Variants in HTR1F observed in about 807,000 individuals in gnomAD.
The protein encoded by HTR1F is 5-hydroxytryptamine receptor 1F, also known as 5-hydroxytryptamine (serotonin) receptor 1F, G protein-coupled.
In HTR1F, 17 loss-of-function variants were observed where a neutral mutation model predicts 24.0. The observed-to-expected ratio is 0.71, with a 90% CI of 0.48 to 1.06. The LOEUF (loss-of-function observed/expected upper bound fraction) is 1.06. HTR1F is among the 50% of genes least tolerant of loss of function. HTR1F has a pLI of 0.00. For missense variants in HTR1F, 391 were observed against 427.8 expected (o/e 0.91, Z 0.76); for synonymous variants, 186 against 156.8 (o/e 1.19, Z -1.39).
chr3:87,990,884 C>G lies in HTR1F; in HGVS notation c.135C>G (p.Ile45Met), dbSNP rs111422517. 1 of 1,614,180 alleles carries G rather than the reference C, an allele frequency of 6.2e-7. No individual in the cohort carries two copies. The highest frequency in any genetic ancestry group is 2.2e-5 in the East Asian group (1 of 44,886). Reference sequence around the variant, plus strand: ...CAACAACTATCAACTCCCTTGTGATCGCTGCAATTATTGTGACCCGGAAGC... The same window carrying G: ...CAACAACTATCAACTCCCTTGTGATGGCTGCAATTATTGTGACCCGGAAGC... Reference protein sequence around the residue: ...LMTTTINSLVIAAIIVTRKLH... With the variant: ...LMTTTINSLVMAAIIVTRKLH... The change falls in exon 3 of 3, where the codon ATC becomes ATG. Residue 45 changes from isoleucine to methionine, a missense_variant. Coordinates refer to ENST00000319595, the MANE Select transcript of HTR1F (RefSeq NM_001322209.2).
intron 2 of HTR1F, among the ~76,000 whole-genome samples, chr3:87,848,221 G>C (rs1282582189): frequency 6.6e-6 from 1 of 151,886 alleles, no homozygotes; most frequent in African/African-American, 2.4e-5. Flanking sequence ...ACTGGGGTGA[G>C]ATGATAGCTC....
In HTR1F at chr3:87,864,140, C is replaced by T. The variant is rs146121065; in HGVS notation, c.-43+42016C>T. On this transcript the variant is annotated intron_variant, in intron 2 of 2. Transcript: ENST00000319595. ...ACTCATGTATTCCAGAAAAATCTCC[C>T]TTTTTCTGGGTCAAATGATTAGCAA... 1.3e-3 allele frequency among the ~76,000 whole-genome samples: 204 copies of T among 152,252 alleles called. 2 individuals are homozygous for T. The highest frequency in any genetic ancestry group is 4.7e-3 in the African/African-American group (195 of 41,546).
chr3:87,810,150 T>C (rs559323435), intron 1 of HTR1F, among the ~76,000 whole-genome samples: 99 of 152,260 alleles, frequency 6.5e-4, no homozygotes, highest in Non-Finnish European at 1.2e-3. Context: ...GGAGAAAATA[T>C]ATGTTTATTC....
At chr3:87,970,230 T>A (rs941172712) in intron 2 of HTR1F, among the ~76,000 whole-genome samples, 18 of 152,176 alleles carry the variant, frequency 1.2e-4, no homozygotes, top group African/African-American at 3.6e-4. Context: ...TTATCTCAGG[T>A]AAGATACAGG....
intron 1 of HTR1F, among the ~76,000 whole-genome samples, chr3:87,807,219 G>A (rs914585526): frequency 1.3e-5 from 2 of 151,982 alleles, no homozygotes; most frequent in Non-Finnish European, 2.9e-5. Flanking sequence ...ACAAGGGGCA[G>A]TATGGTCATT....
At chr3:87,886,383 C>A (rs1705943258) in intron 2 of HTR1F, among the ~76,000 whole-genome samples, 1 of 152,188 alleles carries the variant, frequency 6.6e-6, no homozygotes, top group South Asian at 2.1e-4. Flanking sequence ...CAGCCAGTAT[C>A]ATACTGAATG....
chr3:87,891,247 C>T (rs1706078865), intron 2 of HTR1F, among the ~76,000 whole-genome samples: 1 of 152,006 alleles, frequency 6.6e-6, no homozygotes. Flanking sequence ...CTTTTCAAAT[C>T]TTCAAAGAGA....
intron 1 of HTR1F, among the ~76,000 whole-genome samples, chr3:87,800,746 C>G (rs779420669): frequency 1.3e-5 from 2 of 152,176 alleles, no homozygotes; most frequent in Non-Finnish European, 2.9e-5. Context: ...TAATACTTTA[C>G]AACTACCCTT....
intron 2 of HTR1F, among the ~76,000 whole-genome samples, chr3:87,848,551 A>T (rs1335326158): frequency 1.3e-5 from 2 of 151,956 alleles, no homozygotes; most frequent in East Asian, 3.9e-4. Flanking sequence ...TATATATAGG[A>T]TGCATTTTCT....
intron 2 of HTR1F, among the ~76,000 whole-genome samples, chr3:87,968,976 T>C (rs11720863): frequency 0.63 from 95,606 of 152,152 alleles, 31,451 homozygotes; most frequent in South Asian, 0.8. Flanking sequence ...TGGATTCAGA[T>C]GGTGCAAGCA....
chr3:87,864,932 G>T (rs572535632), intron 2 of HTR1F, among the ~76,000 whole-genome samples: 1 of 148,850 alleles, frequency 6.7e-6, no homozygotes, highest in Admixed American at 6.7e-5. Context: ...GAAAAGAAAA[G>T]CAATATATCT....
rs372378368 is a variant in HTR1F at position 87,865,680 on chromosome 3, A to G, written c.-43+43556A>G. Among the ~76,000 whole-genome samples, 5 of 152,266 alleles carry G rather than the reference A, an allele frequency of 3.3e-5. No individual in the cohort carries two copies. The East Asian group carries it at 5.8e-4, about 18-fold the overall frequency. ...TATTCATTTAACTTTATTCATTTTAACACTACTCCCATTTCTCCCAAGTGT... is the reference window on the plus strand; with the variant it reads ...TATTCATTTAACTTTATTCATTTTAGCACTACTCCCATTTCTCCCAAGTGT... On this transcript the variant is annotated intron_variant, in intron 2 of 2. Coordinates refer to ENST00000319595, the MANE Select transcript of HTR1F (RefSeq NM_001322209.2).
intron 2 of HTR1F, among the ~76,000 whole-genome samples, chr3:87,989,148 T>C (rs1193851609): frequency 6.6e-6 from 1 of 152,216 alleles, no homozygotes; most frequent in South Asian, 2.1e-4. Flanking sequence ...AAAAATGCTA[T>C]TTATCAAAGA....
At chr3:87,900,223 G>A (rs1473984877) in intron 2 of HTR1F, among the ~76,000 whole-genome samples, 2 of 152,170 alleles carry the variant, frequency 1.3e-5, no homozygotes, top group African/African-American at 2.4e-5. Flanking sequence ...ATAAAGTCTC[G>A]TGGATGGGAT....
At chr3:87,978,209 ACT>A (rs1705441561) in intron 2 of HTR1F, among the ~76,000 whole-genome samples, 1 of 151,578 alleles carries the variant, frequency 6.6e-6, no homozygotes, top group Non-Finnish European at 1.5e-5. Flanking sequence ...AAGGTTGAAG[ACT>A]CCAGAAATCG....
chr3:87,918,615 C>G (rs1164221865), intron 2 of HTR1F, among the ~76,000 whole-genome samples: 3 of 152,052 alleles, frequency 2.0e-5, no homozygotes, highest in African/African-American at 7.2e-5. Flanking sequence ...AACTCAACCC[C>G]TTTTACAATA....
chr3:87,965,419 T>A lies in HTR1F; in HGVS notation c.-42-25289T>A, dbSNP rs145909106. Among the ~76,000 whole-genome samples the A allele has an allele frequency of 1.8e-4, 27 of 152,302 alleles. No homozygotes were observed. In the East Asian group the frequency reaches 4.1e-3, roughly 23 times the overall value. ...ATACTTTTCATATATATTGCAAAAC[T>A]AAATATCAATCCAAAGGATATAAGT... On this transcript the variant is annotated intron_variant, in intron 2 of 2. Transcript: ENST00000319595.
intron 2 of HTR1F, among the ~76,000 whole-genome samples, chr3:87,833,816 C>CTT (rs897989722): frequency 6.6e-6 from 1 of 151,078 alleles, no homozygotes; most frequent in Non-Finnish European, 1.5e-5. Flanking sequence ...CTATAAAGCC[C>CTT]TTTTTTTTTA....
At chr3:87,795,783 G>C (rs1312360512) in intron 1 of HTR1F, among the ~76,000 whole-genome samples, 1 of 152,092 alleles carries the variant, frequency 6.6e-6, no homozygotes, top group Non-Finnish European at 1.5e-5. Flanking sequence ...ATTGACATCT[G>C]AAACAGACAT....
Sources: gnomAD v4.1 joint callset for allele counts (sites outside exome capture counted in the v4.1 genomes callset) on GRCh38, gnomAD v4.1.1 for gene constraint, MANE v1.5 for transcripts, NCBI Gene and HGNC (gene_info 2026-07-23, HGNC 2026-07-21) for gene names.